The following SYT1 variants were observed in gnomAD, a reference collection of about 807,000 sequenced individuals.
The protein encoded by SYT1 is synaptotagmin 1.
Under a neutral mutation model 44.8 loss-of-function variants are expected in SYT1, and 8 were observed. That is an observed-to-expected ratio of 0.18 (90% confidence interval 0.10 to 0.32). The LOEUF is 0.32. Ranked by LOEUF, SYT1 falls within the 10% of genes least tolerant of loss-of-function variation. SYT1 has a pLI of 1.00. For missense variants in SYT1, 286 were observed against 509.3 expected (o/e 0.56, Z 4.22); for synonymous variants, 154 against 188.8 (o/e 0.82, Z 1.51).
At chr12:78,898,017 C>G (rs1397315034) in intron 1 of SYT1, among the ~76,000 whole-genome samples, 1 of 151,972 alleles carries the variant, frequency 6.6e-6, no homozygotes, top group Non-Finnish European at 1.5e-5. Flanking sequence ...AACCAAAACT[C>G]CTAATTACTA....
chr12:79,190,719 T>C (rs1348054797), intron 3 of SYT1, among the ~76,000 whole-genome samples: 1 of 152,168 alleles, frequency 6.6e-6, no homozygotes, highest in African/African-American at 2.4e-5. Context: ...CAATATTCAC[T>C]AATATCATGG....
At chr12:78,967,154 G>T (rs1482055698) in intron 1 of SYT1, among the ~76,000 whole-genome samples, 2 of 152,142 alleles carry the variant, frequency 1.3e-5, no homozygotes, top group African/African-American at 4.8e-5. Flanking sequence ...AGTTGGCAAG[G>T]TGACACTATG....
In SYT1 at chr12:78,922,894, T is replaced by C. The variant is rs11111899; in HGVS notation, c.-216-54905T>C. On this transcript the variant is annotated intron_variant, in intron 1 of 10. Transcript: ENST00000261205. ...ACAGATGAGAAACCTAAATAAAAAA[T>C]GTGGTTACTTGCCCAGCAACTCAAA... 1.6e-4 allele frequency among the ~76,000 whole-genome samples: 25 copies of C among 152,056 alleles called. No individual in the cohort carries two copies. In the East Asian group the frequency reaches 4.1e-3, roughly 25 times the overall value.
At chr12:79,084,236 A>G (rs1877229530) in intron 3 of SYT1, among the ~76,000 whole-genome samples, 1 of 152,202 alleles carries the variant, frequency 6.6e-6, no homozygotes, top group Non-Finnish European at 1.5e-5. Context: ...CACTATGCCT[A>G]GAATAAATAT....
At chr12:79,179,522 TATAG>T (rs1293739371) in intron 3 of SYT1, among the ~76,000 whole-genome samples, 28 of 14,482 alleles carry the variant, frequency 1.9e-3, no homozygotes, top group African/African-American at 0.011. Flanking sequence ...GATATATCTA[TATAG>T]ATATAGATAT....
chr12:79,083,382 A>G (rs1877167349), intron 3 of SYT1, among the ~76,000 whole-genome samples: 1 of 152,158 alleles, frequency 6.6e-6, no homozygotes, highest in African/African-American at 2.4e-5. Context: ...ATGACTCAGC[A>G]GTTTTAGTAG....
At chr12:79,331,236 T>C (rs1319232350) in intron 8 of SYT1, among the ~76,000 whole-genome samples, 1 of 152,200 alleles carries the variant, frequency 6.6e-6, no homozygotes, top group Non-Finnish European at 1.5e-5. Flanking sequence ...GAAGTCACCT[T>C]TTGTAATTTT....
chr12:79,449,439 T>G lies in SYT1; in HGVS notation c.*315T>G, dbSNP rs1030706601. On this transcript the variant is annotated 3_prime_UTR_variant, in exon 11 of 11. Transcript: ENST00000261205. ...AAAGATTTATTTCTAGTTTGTGTAT[T>G]TGTATGTTGTAAGCGTTTCCTAATC... 2.7e-5 allele frequency: 8 copies of G among 295,210 alleles called. No homozygotes were observed. The highest frequency in any genetic ancestry group is 5.1e-5 in the Non-Finnish European group (8 of 156,144). The allele number at this position is 295,210 out of a possible 1,614,324, so 18.3% of individuals were successfully genotyped here. A position where few individuals can be genotyped will look rare whatever the true frequency, so the allele number is the denominator to read the frequency against.
upstream of SYT1, chr12:78,864,354 TAAA>T (rs5799404): frequency 0.029 from 3,674 of 126,688 alleles, 160 homozygotes; most frequent in African/African-American, 0.1. Context: ...TGATTGAGAG[TAAA>T]AAAAAAAAAA....
At chr12:78,907,953 CT>C (rs894628600) in intron 1 of SYT1, among the ~76,000 whole-genome samples, 2 of 151,948 alleles carry the variant, frequency 1.3e-5, no homozygotes, top group African/African-American at 4.8e-5. Context: ...AAAAGTTTTT[CT>C]CCAAACATTT....
intron 1 of SYT1, among the ~76,000 whole-genome samples, chr12:78,952,950 A>G (rs961801425): frequency 8.5e-5 from 13 of 152,142 alleles, no homozygotes; most frequent in Admixed American, 8.5e-4. Flanking sequence ...GGAAAAATTG[A>G]CCTTTAATGA....
At chr12:79,198,821 A>G (rs1283196163) in intron 3 of SYT1, among the ~76,000 whole-genome samples, 1 of 152,186 alleles carries the variant, frequency 6.6e-6, no homozygotes, top group Non-Finnish European at 1.5e-5. Flanking sequence ...CTCTTCCTAA[A>G]AGAAATACTT....
chr12:79,280,314 C>CA (rs2138808011), intron 4 of SYT1, among the ~76,000 whole-genome samples: 1 of 151,936 alleles, frequency 6.6e-6, no homozygotes, highest in South Asian at 2.1e-4. Context: ...ACATATAGAC[C>CA]AATGAAACAG....
At chr12:79,176,563 T>C (rs1470838590) in intron 3 of SYT1, among the ~76,000 whole-genome samples, 1 of 152,118 alleles carries the variant, frequency 6.6e-6, no homozygotes, top group Non-Finnish European at 1.5e-5. Context: ...TAAACACTGA[T>C]ACTCTACAAC....
chr12:79,387,532 G>A (rs572442929), intron 9 of SYT1, among the ~76,000 whole-genome samples: 1 of 152,142 alleles, frequency 6.6e-6, no homozygotes, highest in African/African-American at 2.4e-5. Flanking sequence ...ACTAAATGAG[G>A]TGTAGAACAT....
chr12:79,125,108 A>G (rs2138151057), intron 3 of SYT1, among the ~76,000 whole-genome samples: 1 of 152,190 alleles, frequency 6.6e-6, no homozygotes, highest in East Asian at 1.9e-4. Context: ...TTTATTTCTC[A>G]TGACGAATAA....
At chr12:79,435,049 T>C (rs1283333650) in intron 9 of SYT1, among the ~76,000 whole-genome samples, 1 of 152,178 alleles carries the variant, frequency 6.6e-6, no homozygotes, top group Non-Finnish European at 1.5e-5. Flanking sequence ...ATTTCATCTA[T>C]GTTAGTCCAA....
intron 3 of SYT1, among the ~76,000 whole-genome samples, chr12:79,155,785 G>A (rs529188204): frequency 1.3e-5 from 2 of 152,278 alleles, no homozygotes; most frequent in African/African-American, 4.8e-5. Context: ...ATTTCAGAAG[G>A]GAAAAAGCCA....
At position 79,334,234 on chromosome 12, in the gene SYT1, T is replaced by A. The variant is rs372702326; in HGVS notation, c.811-19268T>A. Among the ~76,000 whole-genome samples, 7 of 152,128 alleles carry A rather than the reference T, an allele frequency of 4.6e-5. 1 individual carries two copies. Among genetic ancestry groups the A allele is most frequent in the Admixed American group, 3.3e-4 (5 of 15,288 alleles). On this transcript the variant is annotated intron_variant, in intron 8 of 10. Coordinates refer to ENST00000261205, the MANE Select transcript of SYT1 (RefSeq NM_005639.3). The stretch of plus-strand genomic sequence containing the variant: ...AAACTAAGAATGACTATTTTCTCTG[T>A]CCTATGCCTTTCCCACAGTTAAAAA...
Sources: gnomAD v4.1 joint callset for allele counts (sites outside exome capture counted in the v4.1 genomes callset) on GRCh38, gnomAD v4.1.1 for gene constraint, MANE v1.5 for transcripts, NCBI Gene and HGNC (gene_info 2026-07-23, HGNC 2026-07-21) for gene names.